The following ZNF320 variants were observed in gnomAD, a reference collection of about 807,000 sequenced individuals.
ZNF320 encodes the protein zinc finger protein 320.
Under a neutral mutation model 6.8 loss-of-function variants are expected in ZNF320, and 2 were observed. That is an observed-to-expected ratio of 0.29 (90% CI 0.12 to 0.93). The LOEUF (loss-of-function observed/expected upper bound fraction) is 0.93, where lower values mean the gene tolerates loss of function less well. ZNF320 is among the 40% of genes least tolerant of loss of function. The probability of loss-of-function intolerance (pLI) is 0.55; values close to 1 mark genes in which losing one functional copy is unlikely to be tolerated. For synonymous variants in ZNF320, 208 were observed against 203.2 expected (o/e 1.02, Z -0.20); for missense variants, 472 against 611.0 (o/e 0.77, Z 2.40).
rs2063802282 is a variant in ZNF320, at chr19:52,877,774, T to A, written c.*2822A>T. 2 of 152,198 alleles carry A rather than the reference T, an allele frequency of 1.3e-5. No homozygotes were observed. The highest frequency in any genetic ancestry group is 2.1e-4 in the South Asian group (1 of 4,832). 9.4% of individuals were successfully genotyped at this position (152,198 alleles called of 1,614,324 possible). On this transcript the variant is annotated 3_prime_UTR_variant, in exon 6 of 6. Coordinates refer to ENST00000682928, the MANE Select transcript of ZNF320 (RefSeq NM_001351774.2). Reference sequence around the variant, plus strand: ...TCCTTTCACAAGCTTGTGACAGCCATAATGCTTTGACACACTGATACTGTT... The same window carrying A: ...TCCTTTCACAAGCTTGTGACAGCCAAAATGCTTTGACACACTGATACTGTT...
intron 5 of ZNF320, among the ~76,000 whole-genome samples, chr19:52,867,482 C>T (rs1348507074): frequency 1.3e-5 from 2 of 152,146 alleles, no homozygotes; most frequent in African/African-American, 2.4e-5. Context: ...AGGCATGAGC[C>T]ACCGTGCCCA....
At chr19:52,867,200 T>G (rs1020702445) in intron 5 of ZNF320, among the ~76,000 whole-genome samples, 2 of 151,678 alleles carry the variant, frequency 1.3e-5, no homozygotes, top group African/African-American at 4.9e-5. Flanking sequence ...ATTTATTTAT[T>G]TATGTATTTA....
upstream of ZNF320, among the ~76,000 whole-genome samples, chr19:52,902,049 A>G (rs769111847): frequency 3.3e-5 from 5 of 151,534 alleles, no homozygotes; most frequent in South Asian, 2.1e-4. Context: ...GGACTAAACC[A>G]TAAGTGCCAC....
At chr19:52,890,164 G>T (rs2064240328) in intron 4 of ZNF320, 77 bp downstream of exon 4, 1 of 1,580,438 alleles carries the variant, frequency 6.3e-7, no homozygotes, top group African/African-American at 1.3e-5. Flanking sequence ...TTCAGACTAA[G>T]AGAAGATTCC....
At chr19:52,861,419 G>T (rs1374341843) in exon 6 of ZNF320, among the ~76,000 whole-genome samples, 3 of 152,126 alleles carry the variant, frequency 2.0e-5, no homozygotes, top group Non-Finnish European at 4.4e-5. Flanking sequence ...ATTGCTAAAT[G>T]ATTATATAAC....
At chr19:52,897,733 C>T (rs2064518741), upstream of ZNF320, 3 of 152,268 alleles carry the variant, frequency 2.0e-5, no homozygotes, top group Admixed American at 1.3e-4. Context: ...CTGGGCGGGA[C>T]CCCCGAGAAG....
chr19:52,898,672 A>C (rs1055471084), upstream of ZNF320, among the ~76,000 whole-genome samples: 2 of 152,190 alleles, frequency 1.3e-5, no homozygotes, highest in African/African-American at 4.8e-5. Flanking sequence ...GGTTCACAAC[A>C]CTAAAGATTT....
At chr19:52,893,102 G>A (rs776601650) in intron 2 of ZNF320, among the ~76,000 whole-genome samples, 2 of 151,336 alleles carry the variant, frequency 1.3e-5, no homozygotes, top group Non-Finnish European at 2.9e-5. Flanking sequence ...CTCTGTCTCA[G>A]GTTTTTTACT....
chr19:52,865,459 ATATATATATAT>A (rs2063528878), intron 5 of ZNF320: 1 of 39,464 alleles, frequency 2.5e-5, no homozygotes, highest in South Asian at 7.9e-4. Context: ...TATGTAATAC[ATATATATATAT>A]TACATATATA....
chr19:52,872,896 C>T (rs2063705143), downstream of ZNF320, among the ~76,000 whole-genome samples: 1 of 152,138 alleles, frequency 6.6e-6, no homozygotes, highest in African/African-American at 2.4e-5. Context: ...AGCAGGAAAA[C>T]ACGTGAGCAA....
At chr19:52,896,925 C>G (rs1305158622) in intron 1 of ZNF320, among the ~76,000 whole-genome samples, 1 of 152,200 alleles carries the variant, frequency 6.6e-6, no homozygotes, top group Non-Finnish European at 1.5e-5. Context: ...TGGCCAAGCA[C>G]CGGCCACACC....
At chr19:52,892,580 G>A (rs1390400089) in intron 2 of ZNF320, among the ~76,000 whole-genome samples, 3 of 152,032 alleles carry the variant, frequency 2.0e-5, no homozygotes, top group African/African-American at 7.2e-5. Context: ...GTGAAACCCT[G>A]TCTCTACTAA....
chr19:52,897,902 C>T (rs1162813145), upstream of ZNF320, among the ~76,000 whole-genome samples: 3 of 152,302 alleles, frequency 2.0e-5, no homozygotes, highest in South Asian at 2.1e-4. Context: ...CCTGAGCTTT[C>T]CTCCATCTCG....
intron 2 of ZNF320, among the ~76,000 whole-genome samples, chr19:52,891,796 A>C (rs753640073): frequency 1.3e-5 from 2 of 152,136 alleles, no homozygotes; most frequent in African/African-American, 2.4e-5. Flanking sequence ...ATATCCTCAG[A>C]GTGGGGACAT....
rs771432998 is a variant in ZNF320, at chr19:52,881,581, A to C, written c.545T>G (p.Ile182Ser). 10 of 1,613,862 alleles carry C rather than the reference A, an allele frequency of 6.2e-6. No individual in the cohort carries two copies. The highest frequency in any genetic ancestry group is 7.6e-6 in the Non-Finnish European group (9 of 1,179,932). Reference sequence around the variant, plus strand: ...TTTGTATGGTTTCTCTCCAGTATGAATTATCCTATGTATTTCAAGATGTGA... The same window carrying C: ...TTTGTATGGTTTCTCTCCAGTATGACTTATCCTATGTATTTCAAGATGTGA... ...CKSHLEIHRI[I>S]HTGEKPYKCK... Residue 182 changes from isoleucine (I) to serine (S), a missense_variant, in exon 6 of 6, where the codon ATT becomes AGT. By Grantham distance (142) the Ile-to-Ser change is moderately radical (BLOSUM62 -2). Transcript: ENST00000682928.
Position 52,881,681 on chromosome 19 carries a change from G to C in ZNF320, c.445C>G (p.Arg149Gly). 2 of 1,613,860 alleles carry C rather than the reference G, an allele frequency of 1.2e-6. 1 individual carries two copies. Among genetic ancestry groups the C allele is most frequent in the Non-Finnish European group, 1.7e-6 (2 of 1,179,880 alleles). Residue 149 changes from arginine to glycine, a missense_variant, in exon 6 of 6, where the codon CGA becomes GGA. Coordinates refer to ENST00000682928, the MANE Select transcript of ZNF320 (RefSeq NM_001351774.2). ...CCAGTATGAATTCTCCTATGTCTTC[G>C]CAAATGCAAATGAAATCTTGATTCA... ...QLESRFHLHL[R>G]RHRRIHTGEK...
chr19:52,881,490 C>T lies in ZNF320; in HGVS notation c.636G>A (p.Arg212=), dbSNP rs761145156. ...SHLAKHTRIH[R]GDKHYTCNEC... The stretch of plus-strand genomic sequence containing the variant: ...CATTACATGTGTAATGTTTGTCTCC[C>T]CTGTGAATTCTAGTATGTTTTGCCA... Residue 212 remains arginine, a synonymous_variant, in exon 6 of 6, where the codon AGG becomes AGA. Coordinates refer to ENST00000682928, the MANE Select transcript of ZNF320 (RefSeq NM_001351774.2). The T allele has an allele frequency of 1.2e-6, 2 of 1,613,794 alleles. No homozygotes were observed. Among genetic ancestry groups the T allele is most frequent in the African/African-American group, 2.7e-5 (2 of 74,832 alleles).
At chr19:52,890,144 G>C in intron 4 of ZNF320, 97 bp downstream of exon 4, 2 of 1,537,702 alleles carry the variant, frequency 1.3e-6, no homozygotes, top group Admixed American at 1.7e-5. Flanking sequence ...AAACCTGTCA[G>C]GCAGGATGCT....
In ZNF320 at chr19:52,881,201, C is replaced by A; in HGVS notation, c.925G>T (p.Val309Phe). 6.2e-7 allele frequency: 1 copy of A among 1,614,166 alleles called. No homozygotes were observed. The highest frequency in any genetic ancestry group is 8.5e-7 in the Non-Finnish European group (1 of 1,180,030). Reference protein sequence around the residue: ...KPYKCNECGKVFKQRATLAGH... With the variant: ...KPYKCNECGKFFKQRATLAGH... Reference sequence around the variant, plus strand: ...GCAAGAGTTGCTCGTTGCTTAAAAACCTTGCCACATTCATTACACTTATAG... The same window carrying A: ...GCAAGAGTTGCTCGTTGCTTAAAAAACTTGCCACATTCATTACACTTATAG... Residue 309 changes from valine (V) to phenylalanine (F), a missense_variant, in exon 6 of 6, where the codon GTT becomes TTT. Physicochemically the swap from Val to Phe is conservative, Grantham distance 50. Around this residue, in one of 2 missense-constraint regions of ZNF320, gnomAD observed 462 missense variants for 559.7 expected, o/e 0.83. Coordinates refer to ENST00000682928, the MANE Select transcript of ZNF320 (RefSeq NM_001351774.2).
Sources: gnomAD v4.1 joint callset for allele counts (sites outside exome capture counted in the v4.1 genomes callset) on GRCh38, gnomAD v4.1.1 for gene constraint, gnomAD v4.1.1 regional missense constraint, MANE v1.5 for transcripts, NCBI Gene and HGNC (gene_info 2026-07-23, HGNC 2026-07-21) for gene names.